CLASP2: variants seen among roughly 807,000 people sequenced by gnomAD.
CLASP2 encodes cytoplasmic linker associated protein 2.
Under a neutral mutation model 194.4 loss-of-function variants are expected in CLASP2, and 47 were observed. The observed-to-expected ratio is 0.24, with a 90% CI of 0.19 to 0.31. The LOEUF is 0.31. Ranked by LOEUF, CLASP2 falls within the 10% of genes least tolerant of loss-of-function variation. The probability of loss-of-function intolerance (pLI) is 1.00; values close to 1 mark genes in which losing one functional copy is unlikely to be tolerated. For synonymous variants in CLASP2, 619 were observed against 633.5 expected (o/e 0.98, Z 0.34); for missense variants, 1,445 against 1,823.6 (o/e 0.79, Z 3.78).
chr3:33,717,882 G>C lies in CLASP2; in HGVS notation c.121C>G (p.Leu41Val). 3 of 1,559,706 alleles carry C rather than the reference G, an allele frequency of 1.9e-6. No individual in the cohort carries two copies. Among genetic ancestry groups the C allele is most frequent in the Non-Finnish European group, 2.6e-6 (3 of 1,152,534 alleles). The change falls in exon 1 of 39, where the codon CTG becomes GTG. Residue 41 changes from leucine to valine, a missense_variant. Transcript: ENST00000682230. ...YLGAPGAISDLEEDLGRLGKT... is the reference protein window; with the variant it reads ...YLGAPGAISDVEEDLGRLGKT... ...CCTAGGCGGCCCAGGTCCTCCTCCAGGTCCGAGATGGCGCCGGGGGCGCCA... is the reference window on the plus strand; with the variant it reads ...CCTAGGCGGCCCAGGTCCTCCTCCACGTCCGAGATGGCGCCGGGGGCGCCA...
At chr3:33,643,403 T>A (rs2081681983) in intron 8 of CLASP2, among the ~76,000 whole-genome samples, 4 of 151,814 alleles carry the variant, frequency 2.6e-5, no homozygotes, top group Admixed American at 2.6e-4. Context: ...AACCAAAAAA[T>A]GTCATATACT....
chr3:33,584,961 C>T (rs544568196), intron 21 of CLASP2, 41 bp from the exon 22 acceptor site: 4 of 1,519,938 alleles, frequency 2.6e-6, no homozygotes, highest in Admixed American at 4.1e-5. Context: ...CATGTAAATG[C>T]CAAGAGAATT....
chr3:33,539,433 C>T (rs2057951960), intron 32 of CLASP2, among the ~76,000 whole-genome samples: 1 of 152,018 alleles, frequency 6.6e-6, no homozygotes, highest in African/African-American at 2.4e-5. Context: ...CTCCCGAGTT[C>T]AACTGATTCT....
At position 33,603,130 on chromosome 3, in the gene CLASP2, G is replaced by A. The variant is rs752989033; in HGVS notation, c.1751-5C>T. 1.6e-5 allele frequency: 25 copies of A among 1,556,660 alleles called. No homozygotes were observed. Among genetic ancestry groups the A allele is most frequent in the African/African-American group, 5.5e-5 (4 of 73,168 alleles). On this transcript the variant is annotated splice_region_variant and splice_polypyrimidine_tract_variant and intron_variant, in intron 17 of 38. Coordinates refer to ENST00000682230, the MANE Select transcript of CLASP2 (RefSeq NM_001365631.1). ...CTTTGCTGCTGCCTGCTGATACTAC[G>A]AAATACAAAGCAAAGATAACTTATA...
At chr3:33,714,198 G>A (rs1247716200) in intron 1 of CLASP2, among the ~76,000 whole-genome samples, 1 of 152,154 alleles carries the variant, frequency 6.6e-6, no homozygotes, top group African/African-American at 2.4e-5. Flanking sequence ...GTACTTAACT[G>A]TATTTTATGA....
At chr3:33,705,354 T>C (rs2092624183) in intron 1 of CLASP2, among the ~76,000 whole-genome samples, 1 of 152,144 alleles carries the variant, frequency 6.6e-6, no homozygotes, top group Non-Finnish European at 1.5e-5. Context: ...TCTATAAAGA[T>C]AAGAAGTAGA....
chr3:33,527,580 A>C (rs898756487), intron 34 of CLASP2, among the ~76,000 whole-genome samples: 10 of 152,212 alleles, frequency 6.6e-5, no homozygotes, highest in Non-Finnish European at 1.0e-4. Context: ...ATGATTCCAA[A>C]AAAGTGAGGA....
Position 33,573,230 on chromosome 3 carries a change from T to C in CLASP2, c.2579A>G (p.Tyr860Cys). 6.2e-7 allele frequency: 1 copy of C among 1,613,974 alleles called. No homozygotes were observed. Among genetic ancestry groups the C allele is most frequent in the Non-Finnish European group, 8.5e-7 (1 of 1,179,856 alleles). ...TGCCACATCTTCCGTCTGCCTCATA[T>C]ATGTAGGAATACTACCATTTCGAGA... is the stretch of plus-strand genomic sequence containing the variant. ...YSSRNGSIPT[Y>C]MRQTEDVAEV... is the part of the protein sequence containing the mutation. The change falls in exon 25 of 39, where the codon TAT becomes TGT. Residue 860 changes from tyrosine (Y) to cysteine (C), a missense_variant. By Grantham distance (194) the Tyr-to-Cys change is radical. Around this residue, in one of 4 missense-constraint regions of CLASP2, gnomAD observed 732 missense variants for 987.9 expected, o/e 0.74. Transcript: ENST00000682230.
intron 18 of CLASP2, among the ~76,000 whole-genome samples, chr3:33,597,335 C>T (rs2070696115): frequency 6.6e-6 from 1 of 152,134 alleles, no homozygotes; most frequent in Admixed American, 6.5e-5. Flanking sequence ...AAATATCTGA[C>T]TTGGTGTTTA....
chr3:33,698,269 A>AT (rs2092104174), intron 1 of CLASP2, among the ~76,000 whole-genome samples: 1 of 152,204 alleles, frequency 6.6e-6, no homozygotes. Flanking sequence ...ACTCAATGCT[A>AT]TTAAGGAGAG....
chr3:33,679,193 A>G (rs1419703250), intron 6 of CLASP2, among the ~76,000 whole-genome samples: 1 of 152,300 alleles, frequency 6.6e-6, no homozygotes, highest in African/African-American at 2.4e-5. Context: ...ACAAACAAAA[A>G]CATGAATCTA....
intron 21 of CLASP2, among the ~76,000 whole-genome samples, chr3:33,590,054 A>C (rs935174775): frequency 6.6e-6 from 1 of 152,186 alleles, no homozygotes; most frequent in South Asian, 2.1e-4. Context: ...ATTTGATTAA[A>C]AATAATAAGG....
In CLASP2 at chr3:33,696,353, CTTTTTTTTTTTT is replaced by C. The variant is rs962854814; in HGVS notation, c.274+490_274+501del. ...CCAGTAAAAACAATTTTCTTTCTTT[CTTTTTTTTTTTT>C]TTTTTTTTTTTTTGCCTCAAAGGTG... is the stretch of plus-strand genomic sequence containing the variant. On this transcript the variant is annotated intron_variant, in intron 2 of 38. Coordinates refer to ENST00000682230, the MANE Select transcript of CLASP2 (RefSeq NM_001365631.1). Among the ~76,000 whole-genome samples the C allele has an allele frequency of 4.9e-4, 26 of 52,740 alleles. 1 individual carries two copies. Among genetic ancestry groups the C allele is most frequent in the Admixed American group, 1.4e-3 (5 of 3,520 alleles). 34.6% of individuals were successfully genotyped at this position (52,740 alleles called of 152,430 possible).
At chr3:33,561,047 A>C (rs1431215518) in intron 27 of CLASP2, 76 bp from the exon 28 acceptor site, 1 of 1,260,536 alleles carries the variant, frequency 7.9e-7, no homozygotes, top group Non-Finnish European at 1.1e-6. Context: ...CAAAGCGAAT[A>C]CAGAAAGGAA....
chr3:33,504,475 G>C (rs1383964177), intron 37 of CLASP2: 1 of 152,160 alleles, frequency 6.6e-6, no homozygotes, highest in Non-Finnish European at 1.5e-5. Context: ...AACTCTCCCA[G>C]TCTTTGCAGA....
At chr3:33,701,314 A>G (rs1488720288) in intron 1 of CLASP2, among the ~76,000 whole-genome samples, 1 of 152,270 alleles carries the variant, frequency 6.6e-6, no homozygotes, top group Non-Finnish European at 1.5e-5. Flanking sequence ...AACCTACAGT[A>G]ATCAAGACAA....
At chr3:33,630,498 T>A (rs935664499) in intron 9 of CLASP2, among the ~76,000 whole-genome samples, 6 of 152,128 alleles carry the variant, frequency 3.9e-5, no homozygotes, top group African/African-American at 1.4e-4. Flanking sequence ...AATAAACTTA[T>A]TATCAATTAC....
intron 1 of CLASP2, among the ~76,000 whole-genome samples, chr3:33,710,713 T>A (rs1279849476): frequency 6.6e-6 from 1 of 152,202 alleles, no homozygotes; most frequent in Non-Finnish European, 1.5e-5. Context: ...GGCAGGCGGA[T>A]CACCACAGGT....
chr3:33,529,490 C>G (rs958522732), intron 34 of CLASP2, among the ~76,000 whole-genome samples: 9 of 126,640 alleles, frequency 7.1e-5, no homozygotes, highest in Non-Finnish European at 1.6e-4. Flanking sequence ...GACCACTGAA[C>G]AGAATAGAGA....
Sources: allele counts gnomAD v4.1 joint callset (sites outside exome capture counted in the v4.1 genomes callset), GRCh38; gene constraint gnomAD v4.1.1; regional missense constraint gnomAD v4.1.1; transcripts MANE v1.5; gene names NCBI Gene and HGNC (gene_info 2026-07-23, HGNC 2026-07-21).